The following GXYLT1 variants were observed in gnomAD, a reference collection of about 807,000 sequenced individuals.
The protein encoded by GXYLT1 is glycosyltransferase 8 domain containing 3.
GXYLT1 carries 29 observed loss-of-function variants against 54.0 expected under a neutral mutation model. That is an observed-to-expected ratio of 0.54 (90% CI 0.40 to 0.73). The LOEUF (loss-of-function observed/expected upper bound fraction) is 0.73, where lower values mean the gene tolerates loss of function less well. GXYLT1 is among the 30% of genes least tolerant of loss of function. GXYLT1 has a pLI of 0.00. For missense variants in GXYLT1, 490 were observed against 553.4 expected (o/e 0.89, Z 1.15); for synonymous variants, 176 against 204.1 (o/e 0.86, Z 1.17).
chr12:42,141,114 A>G (rs1458371435), intron 1 of GXYLT1, among the ~76,000 whole-genome samples: 2 of 152,218 alleles, frequency 1.3e-5, no homozygotes, highest in East Asian at 3.8e-4. Context: ...AGGAATGTGC[A>G]AGTGACACAG....
At chr12:42,090,937 C>T (rs1188072370) in intron 7 of GXYLT1, among the ~76,000 whole-genome samples, 1 of 151,942 alleles carries the variant, frequency 6.6e-6, no homozygotes. Context: ...TAATATTTAA[C>T]AAATATGCAT....
In GXYLT1 at chr12:42,144,668, TCGC is replaced by T. The variant is rs569345374; in HGVS notation, c.-25_-23del. 7.3e-4 allele frequency: 1,008 copies of T among 1,376,248 alleles called. 4 individuals are homozygous for T. The highest frequency in any genetic ancestry group is 7.2e-3 in the African/African-American group (471 of 65,134). 85.3% of individuals were successfully genotyped at this position (1,376,248 alleles called of 1,614,324 possible). On this transcript the variant is annotated 5_prime_UTR_variant, in exon 1 of 8. Coordinates refer to ENST00000398675, the MANE Select transcript of GXYLT1 (RefSeq NM_173601.2). Reference sequence around the variant, plus strand: ...GCATCGCCCCGGCCGCGCTCCTCCTTCGCCGCCGCCGCCGCGCCCGCCCCGACG... The same window carrying T: ...GCATCGCCCCGGCCGCGCTCCTCCTTCGCCGCCGCCGCGCCCGCCCCGACG...
At chr12:42,129,714 T>C (rs1270504192) in intron 2 of GXYLT1, 45 bp downstream of exon 2, 1 of 1,181,708 alleles carries the variant, frequency 8.5e-7, no homozygotes, top group Non-Finnish European at 1.3e-6. Context: ...ATCAACTATC[T>C]AACCTTATCT....
At position 42,116,687 on chromosome 12, in the gene GXYLT1, A is replaced by G. The variant is rs142487323; in HGVS notation, c.486+2313T>C. ...ACTTTGACACTGTTGGTGGGACTGT[A>G]AACTAGTTCAGCCATTGTGGAAGTC... is the stretch of plus-strand genomic sequence containing the variant. On this transcript the variant is annotated intron_variant, in intron 3 of 7. Coordinates refer to ENST00000398675, the MANE Select transcript of GXYLT1 (RefSeq NM_173601.2). Among the ~76,000 whole-genome samples the G allele has an allele frequency of 9.7e-3, 1,477 of 152,346 alleles. 25 individuals are homozygous for G. Among genetic ancestry groups the G allele is most frequent in the African/African-American group, 0.034 (1,415 of 41,568 alleles).
At chr12:42,093,352 C>T (rs1208768453) in intron 7 of GXYLT1, among the ~76,000 whole-genome samples, 1 of 152,132 alleles carries the variant, frequency 6.6e-6, no homozygotes, top group African/African-American at 2.4e-5. Flanking sequence ...CCGCCCGCCT[C>T]AGCCTCCCAA....
At chr12:42,133,250 C>T (rs1476483266) in intron 1 of GXYLT1, among the ~76,000 whole-genome samples, 1 of 152,114 alleles carries the variant, frequency 6.6e-6, no homozygotes, top group African/African-American at 2.4e-5. Flanking sequence ...TGCACTCCAG[C>T]ATGGGTGACA....
chr12:42,108,608 G>A (rs1023740956), intron 4 of GXYLT1, among the ~76,000 whole-genome samples: 4 of 151,986 alleles, frequency 2.6e-5, no homozygotes, highest in Admixed American at 2.6e-4. Context: ...TTTTTACAAT[G>A]GAAGAGAAGA....
chr12:42,097,680 A>G (rs951007214), intron 6 of GXYLT1, 66 bp from the exon 7 acceptor site: 43 of 1,387,646 alleles, frequency 3.1e-5, no homozygotes, highest in Non-Finnish European at 1.2e-5. Context: ...ACATTATGCA[A>G]AACTTTCAGT....
chr12:42,113,986 C>T (rs1170399266), intron 3 of GXYLT1, among the ~76,000 whole-genome samples: 5 of 152,074 alleles, frequency 3.3e-5, no homozygotes, highest in African/African-American at 7.3e-5. Context: ...CACTCAAAAC[C>T]ACTCAACTAC....
intron 2 of GXYLT1, among the ~76,000 whole-genome samples, chr12:42,125,487 C>T (rs1020133739): frequency 1.3e-5 from 2 of 152,138 alleles, no homozygotes; most frequent in African/African-American, 4.8e-5. Flanking sequence ...AAATGCAGAT[C>T]ATTTAGAAAG....
chr12:42,118,545 A>G (rs963582315), intron 3 of GXYLT1, among the ~76,000 whole-genome samples: 1 of 152,182 alleles, frequency 6.6e-6, no homozygotes, highest in Non-Finnish European at 1.5e-5. Context: ...CAGAATAAAT[A>G]TTTTTGTGCA....
At chr12:42,130,123 C>T (rs1480653203) in intron 1 of GXYLT1, among the ~76,000 whole-genome samples, 5 of 152,172 alleles carry the variant, frequency 3.3e-5, no homozygotes, top group Non-Finnish European at 7.4e-5. Context: ...AAAATCCCCT[C>T]CTCAGATAAC....
chr12:42,139,502 C>T (rs1304405481), intron 1 of GXYLT1, among the ~76,000 whole-genome samples: 1 of 152,134 alleles, frequency 6.6e-6, no homozygotes, highest in Non-Finnish European at 1.5e-5. Flanking sequence ...CCTGCCTCGC[C>T]TCTTCTACCA....
intron 1 of GXYLT1, among the ~76,000 whole-genome samples, chr12:42,141,927 A>G (rs1158535756): frequency 6.6e-6 from 1 of 152,050 alleles, no homozygotes; most frequent in Non-Finnish European, 1.5e-5. Context: ...TACTTCAAGG[A>G]CTCCAAGTCT....
chr12:42,116,931 T>C (rs1453030434), intron 3 of GXYLT1, among the ~76,000 whole-genome samples: 1 of 152,080 alleles, frequency 6.6e-6, no homozygotes, highest in Non-Finnish European at 1.5e-5. Context: ...ATATACACCA[T>C]GGAATACTAT....
rs1162439829 is a variant in GXYLT1, at chr12:42,144,413, G to C, written c.221+13C>G. 15 of 1,345,350 alleles carry C rather than the reference G, an allele frequency of 1.1e-5. No homozygotes were observed. The South Asian group carries it at 1.1e-4, about 10-fold the overall frequency. 83.3% of individuals were successfully genotyped at this position (1,345,350 alleles called of 1,614,324 possible). Reference sequence around the variant, plus strand: ...GCGCCCGCCGCGTCCCCCACACCGGGAACTGCCCGTACCTGTCCGACACGC... The same window carrying C: ...GCGCCCGCCGCGTCCCCCACACCGGCAACTGCCCGTACCTGTCCGACACGC... On this transcript the variant is annotated intron_variant, in intron 1 of 7. Transcript: ENST00000398675.
At chr12:42,113,670 C>A (rs540901698) in intron 3 of GXYLT1, among the ~76,000 whole-genome samples, 56 of 150,548 alleles carry the variant, frequency 3.7e-4, no homozygotes, top group African/African-American at 1.3e-3. Flanking sequence ...TAGACTCCCA[C>A]ACAATAATGG....
At chr12:42,115,037 T>C (rs1265508777) in intron 3 of GXYLT1, among the ~76,000 whole-genome samples, 1 of 152,212 alleles carries the variant, frequency 6.6e-6, no homozygotes, top group African/African-American at 2.4e-5. Flanking sequence ...AACCACATGA[T>C]TATCTCAATA....
chr12:42,097,618 C>T lies in GXYLT1; in HGVS notation c.989-4G>A, dbSNP rs765710698. On this transcript the variant is annotated splice_region_variant and splice_polypyrimidine_tract_variant and intron_variant, in intron 6 of 7. Coordinates refer to ENST00000398675, the MANE Select transcript of GXYLT1 (RefSeq NM_173601.2). ...CACGGAAAAACAAAAAGGCTTTCTA[C>T]ATAAAGAAAAGACCAAACAATGAAG... 6.2e-7 allele frequency: 1 copy of T among 1,602,534 alleles called. No individual in the cohort carries two copies. Among genetic ancestry groups the T allele is most frequent in the South Asian group, 1.1e-5 (1 of 88,636 alleles).
Sources: allele counts gnomAD v4.1 joint callset (sites outside exome capture counted in the v4.1 genomes callset), GRCh38; gene constraint gnomAD v4.1.1; transcripts MANE v1.5; gene names NCBI Gene and HGNC (gene_info 2026-07-23, HGNC 2026-07-21).